The following ASPH variants were observed in gnomAD, a reference collection of about 807,000 sequenced individuals.
The protein encoded by ASPH is aspartyl/asparaginyl beta-hydroxylase.
ASPH carries 100 observed loss-of-function variants against 118.4 expected under a neutral mutation model. The observed-to-expected ratio is 0.84, with a 90% CI of 0.72 to 1.00. The LOEUF is 1.00. Ranked by LOEUF, ASPH falls within the 50% of genes least tolerant of loss-of-function variation. ASPH has a pLI of 0.00. For missense variants in ASPH, 920 were observed against 919.5 expected, an observed-to-expected ratio of 1.00 and a Z score of -0.01; for synonymous variants, 315 against 325.6, an observed-to-expected ratio of 0.97 and a Z score of 0.35.
At chr8:61,548,649 C>T (rs1403183254) in intron 20 of ASPH, among the ~76,000 whole-genome samples, 1 of 152,078 alleles carries the variant, frequency 6.6e-6, no homozygotes, top group African/African-American at 2.4e-5. Context: ...AAAATAAAAG[C>T]AGCTTCTTTT....
chr8:61,686,040 T>C (rs1830383836), intron 1 of ASPH, among the ~76,000 whole-genome samples: 1 of 152,106 alleles, frequency 6.6e-6, no homozygotes, highest in Non-Finnish European at 1.5e-5. Context: ...AAGTGCTGGG[T>C]AATTCTTAAA....
chr8:61,550,345 C>T (rs1370803686), intron 20 of ASPH, among the ~76,000 whole-genome samples: 1 of 151,814 alleles, frequency 6.6e-6, no homozygotes, highest in African/African-American at 2.4e-5. Flanking sequence ...CAGTAAGAGC[C>T]CCTGGGCCAC....
At chr8:61,590,961 A>G (rs1444140910) in intron 14 of ASPH, among the ~76,000 whole-genome samples, 1 of 152,154 alleles carries the variant, frequency 6.6e-6, no homozygotes, top group African/African-American at 2.4e-5. Context: ...TATTACTATT[A>G]CTACTATACT....
At chr8:61,516,400 G>A (rs1319154413) in intron 24 of ASPH, among the ~76,000 whole-genome samples, 1 of 152,112 alleles carries the variant, frequency 6.6e-6, no homozygotes, top group Non-Finnish European at 1.5e-5. Context: ...GAAGAGGACG[G>A]CCCCTTCTGA....
At chr8:61,562,679 T>C (rs1830416827) in intron 18 of ASPH, 65 bp downstream of exon 18, 1 of 1,417,774 alleles carries the variant, frequency 7.1e-7, no homozygotes, top group Non-Finnish European at 9.4e-7. Flanking sequence ...CTGGGTATAA[T>C]AAATGTAATT....
chr8:61,711,712 T>C (rs1838101714), intron 1 of ASPH, among the ~76,000 whole-genome samples: 1 of 152,152 alleles, frequency 6.6e-6, no homozygotes, highest in African/African-American at 2.4e-5. Context: ...CTGGGTTCTT[T>C]TTTCCCCATA....
At chr8:61,665,039 T>C in intron 3 of ASPH, 3 of 1,292,514 alleles carry the variant, frequency 2.3e-6, no homozygotes, top group South Asian at 2.8e-5. Context: ...TATTACATCA[T>C]ATTCTATGAC....
At position 61,714,326 on chromosome 8, in the gene ASPH, T is replaced by G. The variant is rs755173683; in HGVS notation, c.46A>C (p.Ser16Arg). The G allele has an allele frequency of 5.3e-6, 8 of 1,513,586 alleles. No homozygotes were observed. The highest frequency in any genetic ancestry group is 6.2e-6 in the Non-Finnish European group (7 of 1,131,290). The allele number at this position is 1,513,586 out of a possible 1,614,324, so 93.8% of individuals were successfully genotyped here. ...NAKSSGNSSS[S>R]GSGSGSTSAG... ...CTCGTGCTACCGCTGCCGGAGCCGC[T>G]GCTGCTGCTGTTGCCGCTGCTCTTG... Residue 16 changes from serine to arginine, a missense_variant, in exon 1 of 25, where the codon AGC (serine) becomes CGC (arginine). Transcript: ENST00000379454.
At chr8:61,673,190 C>T (rs1250473444) in intron 3 of ASPH, among the ~76,000 whole-genome samples, 1 of 152,052 alleles carries the variant, frequency 6.6e-6, no homozygotes, top group African/African-American at 2.4e-5. Context: ...GCAGGACAGC[C>T]CACTATTCCA....
intron 20 of ASPH, 139 bp from the exon 21 acceptor site, chr8:61,548,347 G>T: frequency 9.9e-7 from 1 of 1,011,070 alleles, no homozygotes; most frequent in Non-Finnish European, 1.4e-6. Context: ...ACTCAAATCT[G>T]TTGAAATCTG....
At chr8:61,700,578 C>G (rs1835000982) in intron 1 of ASPH, among the ~76,000 whole-genome samples, 1 of 152,180 alleles carries the variant, frequency 6.6e-6, no homozygotes, top group Admixed American at 6.5e-5. Context: ...AATAAAATGG[C>G]TACAAAATGT....
At position 61,699,685 on chromosome 8, in the gene ASPH, T is replaced by C. The variant is rs182028996; in HGVS notation, c.103+14584A>G. Among the ~76,000 whole-genome samples, 1,117 of 152,260 alleles carry C rather than the reference T, an allele frequency of 7.3e-3. 11 individuals carry two copies. Among genetic ancestry groups the C allele is most frequent in the Non-Finnish European group, 0.012 (850 of 68,012 alleles). On this transcript the variant is annotated intron_variant, in intron 1 of 24. Transcript: ENST00000379454. Reference sequence around the variant, plus strand: ...GAAAAATTTTTAAAAAGCAGTATTATAGAGGAAGGCACATAGTTTACTTGC... The same window carrying C: ...GAAAAATTTTTAAAAAGCAGTATTACAGAGGAAGGCACATAGTTTACTTGC...
intron 21 of ASPH, among the ~76,000 whole-genome samples, chr8:61,543,461 C>CT (rs933212035): frequency 1.3e-5 from 2 of 152,054 alleles, no homozygotes; most frequent in African/African-American, 2.4e-5. Context: ...CTGTTTAGTT[C>CT]TTTTTTATAA....
In ASPH at chr8:61,517,629, G is replaced by GT. The variant is rs775318549; in HGVS notation, c.2024dup (p.His675GlnfsTer46). 6.2e-7 allele frequency: 1 copy of GT among 1,614,106 alleles called. No homozygotes were observed. The highest frequency in any genetic ancestry group is 1.7e-5 in the Admixed American group (1 of 60,022). ...TTGTGGGCCCTGTGTGCGGCCACAC[G>GT]TGAGTCCCGGGGTGCATGATGGAAT... is the stretch of plus-strand genomic sequence containing the variant. On this transcript the variant is annotated frameshift_variant, in exon 24 of 25. Transcript: ENST00000379454. LOFTEE classifies it high-confidence loss of function.
intron 24 of ASPH, among the ~76,000 whole-genome samples, chr8:61,505,407 T>C (rs1806100361): frequency 6.7e-6 from 1 of 148,954 alleles, no homozygotes; most frequent in Admixed American, 6.8e-5. Flanking sequence ...AGGCAGGAAA[T>C]TGCTTGAACC....
chr8:61,548,334 G>A, intron 20 of ASPH, 126 bp from the exon 21 acceptor site: 1 of 1,155,984 alleles, frequency 8.7e-7, no homozygotes, highest in South Asian at 1.9e-5. Flanking sequence ...CTTACTGCTA[G>A]GTACTCAAAT....
intron 14 of ASPH, among the ~76,000 whole-genome samples, chr8:61,615,289 C>T (rs1044560735): frequency 1.3e-5 from 2 of 152,200 alleles, no homozygotes; most frequent in African/African-American, 4.8e-5. Context: ...GCAACTCCTG[C>T]CCTTGCCTCT....
rs151278995 is a variant in ASPH, at chr8:61,518,052, T to C, written c.1972A>G (p.Thr658Ala). 6.4e-4 allele frequency: 1,040 copies of C among 1,613,860 alleles called. No individual in the cohort carries two copies. Among genetic ancestry groups the C allele is most frequent in the Non-Finnish European group, 5.7e-4 (668 of 1,179,756 alleles). ...GGTACCTGTCCTCTTCTGCATCCTGTTGTCTCGGGGAACTTTTCTAGTAAG... is the reference window on the plus strand; with the variant it reads ...GGTACCTGTCCTCTTCTGCATCCTGCTGTCTCGGGGAACTTTTCTAGTAAG... ...CTLLEKFPET[T>A]GCRRGQIKYS... The change falls in exon 23 of 25, where the codon ACA (threonine) becomes GCA (alanine). Residue 658 changes from threonine to alanine, a missense_variant. Thr to Ala is a moderately conservative substitution (Grantham distance 58, BLOSUM62 0). Coordinates refer to ENST00000379454, the MANE Select transcript of ASPH (RefSeq NM_004318.4).
rs10216542 is a variant in ASPH, at chr8:61,513,615, T to C, written c.2126+3913A>G. Reference sequence around the variant, plus strand: ...CATTGCAGTCTCCCTGGCCCAACAATAGGCAGGTGAGTTGCAAGCACTTTT... The same window carrying C: ...CATTGCAGTCTCCCTGGCCCAACAACAGGCAGGTGAGTTGCAAGCACTTTT... On this transcript the variant is annotated intron_variant, in intron 24 of 24. Coordinates refer to ENST00000379454, the MANE Select transcript of ASPH (RefSeq NM_004318.4). Among the ~76,000 whole-genome samples the C allele has an allele frequency of 7.2e-5, 11 of 152,186 alleles. No homozygotes were observed. The South Asian group carries it at 2.3e-3, about 32-fold the overall frequency.
Sources: gnomAD v4.1 joint callset for allele counts (sites outside exome capture counted in the v4.1 genomes callset) on GRCh38, gnomAD v4.1.1 for gene constraint, MANE v1.5 for transcripts, NCBI Gene and HGNC (gene_info 2026-07-23, HGNC 2026-07-21) for gene names.